Variants in TUBGCP2 observed in about 807,000 individuals in gnomAD.
The protein encoded by TUBGCP2 is tubulin gamma complex component 2.
Under a neutral mutation model 92.2 loss-of-function variants are expected in TUBGCP2, and 55 were observed. That is an observed-to-expected ratio of 0.60 (90% CI 0.48 to 0.75). The LOEUF (loss-of-function observed/expected upper bound fraction) is 0.75, where lower values mean the gene tolerates loss of function less well. Ranked by LOEUF, TUBGCP2 falls within the 30% of genes least tolerant of loss-of-function variation. The pLI, the probability that TUBGCP2 is intolerant of heterozygous loss-of-function variation, is 0.00. For synonymous variants in TUBGCP2, 533 were observed against 505.2 expected (o/e 1.06, Z -0.74); for missense variants, 1,093 against 1,188.9 (o/e 0.92, Z 1.19).
chr10:133,291,337 C>T (rs1365714292), intron 8 of TUBGCP2, among the ~76,000 whole-genome samples: 1 of 21,276 alleles, frequency 4.7e-5, no homozygotes, highest in Admixed American at 5.0e-4. Context: ...ATGCACCGTC[C>T]GTGTCCCCCA....
rs151077269 is a variant in TUBGCP2, at chr10:133,293,040, G to A, written c.1023C>T (p.Leu341=). The A allele has an allele frequency of 1.6e-4, 255 of 1,612,572 alleles. No homozygotes were observed. Among genetic ancestry groups the A allele is most frequent in the Middle Eastern group, 7.5e-4 (4 of 5,346 alleles). The change falls in exon 7 of 18, where the codon CTC becomes CTT. Residue 341 remains leucine (L), a splice_region_variant and synonymous_variant. Transcript: ENST00000252936. The stretch of plus-strand genomic sequence containing the variant: ...CATGCCCCCCGGGCGGGCACGCACC[G>A]AGGGAGGCCAGGATGTCCATGGTGC... ...AMRTMDILAS[L]ATSVDKGECL... is the part of the protein sequence containing the mutation.
At position 133,282,352 on chromosome 10, in the gene TUBGCP2, G is replaced by A. The variant is rs372509653; in HGVS notation, c.2290-10C>T. 9 of 1,580,876 alleles carry A rather than the reference G, an allele frequency of 5.7e-6. No individual in the cohort carries two copies. The highest frequency in any genetic ancestry group is 1.4e-5 in the African/African-American group (1 of 73,518). Reference sequence around the variant, plus strand: ...TGCTCTGTGTAAATTTCTAGGGGGGGAGAGTCGCAAGGAAATGCTTCTGTT... The same window carrying A: ...TGCTCTGTGTAAATTTCTAGGGGGGAAGAGTCGCAAGGAAATGCTTCTGTT... On this transcript the variant is annotated splice_polypyrimidine_tract_variant and intron_variant, in intron 15 of 17. Coordinates refer to ENST00000252936, the MANE Select transcript of TUBGCP2 (RefSeq NM_006659.4).
upstream of TUBGCP2, chr10:133,310,669 C>G: frequency 7.8e-6 from 2 of 255,322 alleles, no homozygotes; most frequent in Admixed American, 1.0e-4. Flanking sequence ...CTGCAGCCGT[C>G]GGCCGTGCTC....
At chr10:133,280,114 C>T (rs1340073237) in intron 17 of TUBGCP2, among the ~76,000 whole-genome samples, 1 of 152,228 alleles carries the variant, frequency 6.6e-6, no homozygotes, top group Non-Finnish European at 1.5e-5. Context: ...GGGAAGTGTT[C>T]AGCTACAGAG....
chr10:133,288,174 C>T lies in TUBGCP2; in HGVS notation c.1677G>A (p.Leu559=), dbSNP rs1216891067. Residue 559 remains leucine (L), a synonymous_variant, in exon 11 of 18, where the codon CTG becomes CTA. Transcript: ENST00000252936. ...PRLEALLELA[L]RMSTANTDPF... is the part of the protein sequence containing the mutation. ...GGTCAGTGTTGGCCGTGCTCATGCG[C>T]AGCGCCAGCTCCAGGAGCGCTTCCA... 12 of 1,613,776 alleles carry T rather than the reference C, an allele frequency of 7.4e-6. No homozygotes were observed. The highest frequency in any genetic ancestry group is 1.0e-5 in the Non-Finnish European group (12 of 1,179,950).
chr10:133,308,716 C>T, intron 1 of TUBGCP2, 107 bp downstream of exon 1: 1 of 307,776 alleles, frequency 3.2e-6, no homozygotes, highest in Non-Finnish European at 6.0e-6. Context: ...AGGGAGCGCG[C>T]GGGAAGAGCC....
chr10:133,299,482 A>G lies in TUBGCP2; in HGVS notation c.401T>C (p.Leu134Pro). 6.2e-7 allele frequency: 1 copy of G among 1,612,524 alleles called. No homozygotes were observed. Among genetic ancestry groups the G allele is most frequent in the Non-Finnish European group, 8.5e-7 (1 of 1,179,878 alleles). ...GCCAAGCTGCTTCCTCAGTTCCTCA[A>G]GCTCCTGCATGGAGATCTTGGAGGC... is the stretch of plus-strand genomic sequence containing the variant. ...AAASKISMQE[L>P]EELRKQLGSV... The change falls in exon 4 of 18, where the codon CTT becomes CCT. Residue 134 changes from leucine (L) to proline (P), a missense_variant. Leu to Pro is a moderately conservative substitution (Grantham distance 98, BLOSUM62 -3). Coordinates refer to ENST00000252936, the MANE Select transcript of TUBGCP2 (RefSeq NM_006659.4).
chr10:133,297,128 G>A (rs573112264), intron 5 of TUBGCP2, among the ~76,000 whole-genome samples: 44 of 152,312 alleles, frequency 2.9e-4, no homozygotes, highest in African/African-American at 9.4e-4. Flanking sequence ...TTGACTAGGC[G>A]TGGTGGCTCA....
chr10:133,293,267 A>G (rs1443619657), intron 6 of TUBGCP2, 29 bp from the exon 7 acceptor site: 1 of 1,609,484 alleles, frequency 6.2e-7, no homozygotes, highest in South Asian at 1.1e-5. Flanking sequence ...GACTTCCTCA[A>G]AAAGGCAAGC....
upstream of TUBGCP2, chr10:133,310,636 C>T (rs932179967): frequency 1.6e-5 from 5 of 318,668 alleles, no homozygotes; most frequent in Non-Finnish European, 2.4e-5. Context: ...CACTCACACC[C>T]CTCGGGGCCG....
Position 133,281,312 on chromosome 10 carries a change from G to A in TUBGCP2, c.2534C>T (p.Thr845Ile), listed in dbSNP as rs1170341253. ...GGCCATGCCGTGCTCACAGTCACTG[G>A]TGCTATAGATGCTCAGCCGGGCCAG... is the stretch of plus-strand genomic sequence containing the variant. ...DLLARLSIYSTSDCEHGMASV... is the reference protein window; with the variant it reads ...DLLARLSIYSISDCEHGMASV... The change falls in exon 17 of 18, where the codon ACC (threonine) becomes ATC (isoleucine). Residue 845 changes from threonine (T) to isoleucine (I), a missense_variant. Physicochemically the swap from Thr to Ile is moderately conservative, Grantham distance 89 (BLOSUM62 -1). Transcript: ENST00000252936. 3 of 1,613,054 alleles carry A rather than the reference G, an allele frequency of 1.9e-6. No homozygotes were observed. The highest frequency in any genetic ancestry group is 2.5e-6 in the Non-Finnish European group (3 of 1,179,972).
intron 13 of TUBGCP2, 152 bp from the exon 14 acceptor site, chr10:133,284,154 A>G: frequency 7.8e-7 from 1 of 1,283,478 alleles, no homozygotes; most frequent in South Asian, 1.5e-5. Flanking sequence ...AGCACACCAG[A>G]CACTCACGGC....
Position 133,302,905 on chromosome 10 carries a change from G to A in TUBGCP2, c.37C>T (p.Leu13=). The change falls in exon 2 of 18, where the codon CTG becomes TTG. Residue 13 remains leucine (L), a synonymous_variant. Coordinates refer to ENST00000252936, the MANE Select transcript of TUBGCP2 (RefSeq NM_006659.4). ...EFRIHHDVNE[L]LSLLRVHGGD... is the part of the protein sequence containing the mutation. ...CCGTGGACACGCAGCAGGCTAAGCAGTTCATTGACGTCATGGTGAATCCGA... is the reference window on the plus strand; with the variant it reads ...CCGTGGACACGCAGCAGGCTAAGCAATTCATTGACGTCATGGTGAATCCGA... 2 of 1,614,070 alleles carry A rather than the reference G, an allele frequency of 1.2e-6. No individual in the cohort carries two copies. Among genetic ancestry groups the A allele is most frequent in the South Asian group, 1.1e-5 (1 of 91,086 alleles).
intron 8 of TUBGCP2, chr10:133,291,034 G>A (rs927136737): frequency 2.0e-5 from 4 of 203,810 alleles, no homozygotes; most frequent in African/African-American, 4.8e-5. Flanking sequence ...GACCCCACCA[G>A]ATCAGGAAAT....
chr10:133,282,404 A>C, intron 15 of TUBGCP2, 62 bp from the exon 16 acceptor site: 1 of 1,524,542 alleles, frequency 6.6e-7, no homozygotes, highest in Non-Finnish European at 8.8e-7. Flanking sequence ...CTTTGCAGAA[A>C]AAACAAGTCC....
At chr10:133,300,794 G>A (rs1205188751) in intron 2 of TUBGCP2, among the ~76,000 whole-genome samples, 1 of 152,216 alleles carries the variant, frequency 6.6e-6, no homozygotes, top group African/African-American at 2.4e-5. Flanking sequence ...CTTCAGGTTT[G>A]TACTGGAGAG....
At chr10:133,309,086 A>C, upstream of TUBGCP2, 1 of 1,309,428 alleles carries the variant, frequency 7.6e-7, no homozygotes, top group Non-Finnish European at 9.8e-7. Flanking sequence ...CGGGAGCACC[A>C]GTTCTTCGAG....
At chr10:133,293,333 G>T in intron 6 of TUBGCP2, 95 bp from the exon 7 acceptor site, 1 of 1,439,468 alleles carries the variant, frequency 6.9e-7, no homozygotes, top group Non-Finnish European at 9.6e-7. Context: ...GGAAGCAAAT[G>T]ACTCACTTGA....
intron 14 of TUBGCP2, 39 bp from the exon 15 acceptor site, chr10:133,283,260 G>C: frequency 1.2e-6 from 2 of 1,612,576 alleles, no homozygotes; most frequent in Non-Finnish European, 1.7e-6. Flanking sequence ...AGAAAGACGT[G>C]GCTGACAGAC....
Sources: allele counts gnomAD v4.1 joint callset (sites outside exome capture counted in the v4.1 genomes callset), GRCh38; gene constraint gnomAD v4.1.1; transcripts MANE v1.5; gene names NCBI Gene and HGNC (gene_info 2026-07-23, HGNC 2026-07-21).